The following SYCP1 variants were observed in gnomAD, a reference collection of about 807,000 sequenced individuals.
SYCP1 encodes the protein cancer/testis antigen 8.
A neutral mutation model predicts 153.1 loss-of-function variants in SYCP1; 64 were observed. The observed-to-expected ratio is 0.42, with a 90% CI of 0.34 to 0.51. The LOEUF (loss-of-function observed/expected upper bound fraction) is 0.51, where lower values mean the gene tolerates loss of function less well. Among genes scored for constraint, SYCP1 ranks in the 20% least tolerant of loss-of-function variants. The pLI, the probability that SYCP1 is intolerant of heterozygous loss-of-function variation, is 0.06. For missense variants in SYCP1, 997 were observed against 1,049.0 expected, an observed-to-expected ratio of 0.95 and a Z score of 0.68; for synonymous variants, 384 against 341.8, an observed-to-expected ratio of 1.12 and a Z score of -1.36.
intron 3 of SYCP1, 96 bp from the exon 4 acceptor site, chr1:114,857,136 C>CAAAAAAAAAAAAAAAAAAAAAAAAAG: frequency 4.1e-6 from 1 of 242,712 alleles, no homozygotes; most frequent in Non-Finnish European, 5.9e-6. Flanking sequence ...CTCTCTCTCT[C>CAAAAAAAAAAAAAAAAAAAAAAAAAG]AAAAAAAAAA....
intron 19 of SYCP1, among the ~76,000 whole-genome samples, chr1:114,913,732 C>G (rs778878864): frequency 3.3e-5 from 5 of 151,926 alleles, no homozygotes; most frequent in Non-Finnish European, 5.9e-5. Context: ...GATACAGACT[C>G]AAAGTAACGC....
chr1:114,958,447 T>G (rs1469583480), intron 27 of SYCP1, among the ~76,000 whole-genome samples: 2 of 152,022 alleles, frequency 1.3e-5, no homozygotes, highest in African/African-American at 4.8e-5. Context: ...ATTGGAATAT[T>G]CCCAACACAA....
At chr1:114,904,688 A>C (rs968123870) in intron 16 of SYCP1, among the ~76,000 whole-genome samples, 1 of 152,212 alleles carries the variant, frequency 6.6e-6, no homozygotes, top group Non-Finnish European at 1.5e-5. Flanking sequence ...ATAACTACCA[A>C]ATAGGCATTT....
At chr1:114,913,007 G>A (rs1256192670) in intron 18 of SYCP1, 26 bp from the exon 19 acceptor site, 2 of 1,487,082 alleles carry the variant, frequency 1.3e-6, no homozygotes, top group Admixed American at 1.9e-5. Flanking sequence ...AAATATTTTG[G>A]TATGACTTTT....
In SYCP1 at chr1:114,971,808, T is replaced by C. The variant is rs542444819; in HGVS notation, c.2323-5749T>C. On this transcript the variant is annotated intron_variant, in intron 27 of 31. Transcript: ENST00000369522. ...AATGATGTTTCAATGTGTTGTTGAA[T>C]TTGGTTTGCTCGTATTTTTTGAGGA... 1.1e-4 allele frequency among the ~76,000 whole-genome samples: 16 copies of C among 152,230 alleles called. No individual in the cohort carries two copies. In the South Asian group the frequency reaches 2.9e-3, roughly 28 times the overall value.
At chr1:114,926,241 C>T in intron 21 of SYCP1, 37 bp from the exon 22 acceptor site, 3 of 1,408,844 alleles carry the variant, frequency 2.1e-6, no homozygotes, top group South Asian at 1.7e-5. Flanking sequence ...AACTGGTATA[C>T]TGAATAAAAT....
chr1:114,967,425 A>G (rs1295542730), intron 27 of SYCP1, among the ~76,000 whole-genome samples: 1 of 152,158 alleles, frequency 6.6e-6, no homozygotes, highest in Non-Finnish European at 1.5e-5. Context: ...ACCATTATGT[A>G]ATGCCCTTCT....
At chr1:114,958,633 A>G (rs908313755) in intron 27 of SYCP1, among the ~76,000 whole-genome samples, 1 of 151,656 alleles carries the variant, frequency 6.6e-6, no homozygotes, top group Non-Finnish European at 1.5e-5. Context: ...AAAGTTCTTT[A>G]TTTCAGGCCG....
intron 23 of SYCP1, among the ~76,000 whole-genome samples, chr1:114,934,508 G>A (rs1157279174): frequency 6.6e-6 from 1 of 152,098 alleles, no homozygotes. Flanking sequence ...CAAATAACGA[G>A]CAAAATAACC....
In SYCP1 at chr1:114,963,165, C is replaced by T. The variant is rs112700283; in HGVS notation, c.2323-14392C>T. Among the ~76,000 whole-genome samples the T allele has an allele frequency of 2.8e-4, 42 of 152,190 alleles. 1 individual carries two copies. The South Asian group carries it at 4.1e-3, about 15-fold the overall frequency. On this transcript the variant is annotated intron_variant, in intron 27 of 31. Transcript: ENST00000369522. The stretch of plus-strand genomic sequence containing the variant: ...TATGTGCCTAGATTACGATCTTTTG[C>T]GATGAATTTCCTGGGTATTCTTTGA...
intron 15 of SYCP1, among the ~76,000 whole-genome samples, chr1:114,895,191 A>G (rs1666976742): frequency 6.6e-6 from 1 of 152,088 alleles, no homozygotes; most frequent in Admixed American, 6.5e-5. Flanking sequence ...TTTTATATAG[A>G]TTTATTGCTT....
At chr1:114,910,327 T>G in intron 16 of SYCP1, 70 bp from the exon 17 acceptor site, 1 of 1,056,628 alleles carries the variant, frequency 9.5e-7, no homozygotes, top group Non-Finnish European at 1.4e-6. Context: ...CACAGCTCCA[T>G]TTGGGCAGTT....
intron 27 of SYCP1, among the ~76,000 whole-genome samples, chr1:114,966,689 CTT>C (rs373044329): frequency 2.1e-4 from 30 of 140,456 alleles, no homozygotes; most frequent in Non-Finnish European, 1.9e-4. Context: ...TTCTTTCTTT[CTT>C]TTTTTTTTTT....
intron 20 of SYCP1, among the ~76,000 whole-genome samples, chr1:114,914,294 A>ATATT (rs1247122126): frequency 2.0e-5 from 3 of 151,948 alleles, no homozygotes; most frequent in Non-Finnish European, 4.4e-5. Context: ...TAATTCTTTA[A>ATATT]TATTTAATTA....
chr1:114,855,720 A>G (rs1663891531), intron 2 of SYCP1, 148 bp downstream of exon 2: 1 of 621,728 alleles, frequency 1.6e-6, no homozygotes, highest in Non-Finnish European at 2.8e-6. Context: ...ATTGCTTTAA[A>G]TGAACAGTGA....
At chr1:114,930,474 C>T (rs1669553751) in intron 23 of SYCP1, among the ~76,000 whole-genome samples, 1 of 151,752 alleles carries the variant, frequency 6.6e-6, no homozygotes, top group African/African-American at 2.4e-5. Context: ...TGAAAGAGTA[C>T]ATAATTAGCA....
At chr1:114,877,033 TATA>T (rs141783933) in intron 11 of SYCP1, among the ~76,000 whole-genome samples, 4,735 of 152,112 alleles carry the variant, frequency 0.031, 115 homozygotes, top group Middle Eastern at 0.061. Flanking sequence ...ATTATTCTTC[TATA>T]ATATTTATAT....
rs1320149011 is a variant in SYCP1 at position 114,857,309 on chromosome 1, G to T, written c.237+34G>T. 2.5e-6 allele frequency: 4 copies of T among 1,588,968 alleles called. No individual in the cohort carries two copies. The African/African-American group carries it at 5.4e-5, about 22-fold the overall frequency. ...AGCATAGTACATGTAGATATAATCTGTTTAGGTAATGAACTGCTTATTTGA... is the reference window on the plus strand; with the variant it reads ...AGCATAGTACATGTAGATATAATCTTTTTAGGTAATGAACTGCTTATTTGA... On this transcript the variant is annotated intron_variant, in intron 4 of 31. Transcript: ENST00000369522.
intron 18 of SYCP1, among the ~76,000 whole-genome samples, chr1:114,912,390 T>C (rs367969452): frequency 6.6e-5 from 10 of 151,930 alleles, no homozygotes; most frequent in African/African-American, 2.4e-4. Context: ...TAAGTAGAAA[T>C]AGATAATAGA....
Sources: allele counts gnomAD v4.1 joint callset (sites outside exome capture counted in the v4.1 genomes callset), GRCh38; gene constraint gnomAD v4.1.1; transcripts MANE v1.5; gene names NCBI Gene and HGNC (gene_info 2026-07-23, HGNC 2026-07-21).